The following MAF variants were observed in gnomAD, a reference collection of about 807,000 sequenced individuals.
MAF encodes transcription factor Maf.
MAF carries 10 observed loss-of-function variants against 22.0 expected under a neutral mutation model. The ratio of observed to expected loss-of-function variants is 0.45; its 90% CI spans 0.28 to 0.77. The LOEUF is 0.77. Among genes scored for constraint, MAF ranks in the 30% least tolerant of loss-of-function variants. MAF has a pLI of 0.12. For synonymous variants in MAF, 337 were observed against 255.8 expected (o/e 1.32, Z -3.03); for missense variants, 544 against 548.4 (o/e 0.99, Z 0.08).
At chr16:79,512,732 C>T in the MAF span, among the ~76,000 whole-genome samples, 111 of 152,212 alleles carry the variant, frequency 7.3e-4, no homozygotes, top group Non-Finnish European at 1.5e-3. Flanking sequence ...AACAGATGTG[C>T]GTGAGTCAGG....
the MAF span, among the ~76,000 whole-genome samples, chr16:79,298,839 T>C: frequency 4.9e-4 from 74 of 152,346 alleles, no homozygotes; most frequent in African/African-American, 1.7e-3. Flanking sequence ...TCAGAGGTTA[T>C]AGGCAGGGGA....
the MAF span, among the ~76,000 whole-genome samples, chr16:79,386,546 T>A: frequency 6.6e-6 from 1 of 151,974 alleles, no homozygotes; most frequent in Admixed American, 6.5e-5. Flanking sequence ...TCCTGCTGTG[T>A]GGCCTGGCTC....
chr16:79,304,886 G>C, the MAF span, among the ~76,000 whole-genome samples: 1 of 152,150 alleles, frequency 6.6e-6, no homozygotes, highest in Non-Finnish European at 1.5e-5. Flanking sequence ...CACATGAGTG[G>C]TGTTGCAATG....
At chr16:79,462,515 C>G in the MAF span, among the ~76,000 whole-genome samples, 1 of 152,206 alleles carries the variant, frequency 6.6e-6, no homozygotes, top group Non-Finnish European at 1.5e-5. Flanking sequence ...GATTTTCTTT[C>G]TGGACTCACC....
chr16:79,260,104 C>T, the MAF span, among the ~76,000 whole-genome samples: 1 of 152,158 alleles, frequency 6.6e-6, no homozygotes, highest in African/African-American at 2.4e-5. Context: ...TTAACACTTG[C>T]CATCAACTAA....
the MAF span, among the ~76,000 whole-genome samples, chr16:79,543,342 G>C: frequency 6.6e-6 from 1 of 152,162 alleles, no homozygotes; most frequent in Non-Finnish European, 1.5e-5. Flanking sequence ...CCATGACCCT[G>C]GTCAAGTGCC....
the MAF span, among the ~76,000 whole-genome samples, chr16:79,215,743 T>C: frequency 6.6e-6 from 1 of 152,184 alleles, no homozygotes; most frequent in African/African-American, 2.4e-5. Flanking sequence ...AAGTGCTACA[T>C]CCTGGAAATT....
At chr16:79,313,515 A>G in the MAF span, among the ~76,000 whole-genome samples, 1 of 152,198 alleles carries the variant, frequency 6.6e-6, no homozygotes, top group Non-Finnish European at 1.5e-5. Context: ...CCCAAAGAGA[A>G]CAACCCCTAT....
the MAF span, among the ~76,000 whole-genome samples, chr16:79,470,344 G>C: frequency 6.6e-6 from 1 of 152,134 alleles, no homozygotes; most frequent in Admixed American, 6.5e-5. Flanking sequence ...TCCAGGGCAG[G>C]TCATGTTACT....
chr16:79,426,858 T>A, the MAF span, among the ~76,000 whole-genome samples: 2 of 152,140 alleles, frequency 1.3e-5, no homozygotes, highest in Non-Finnish European at 2.9e-5. Flanking sequence ...ATAGGGTGTA[T>A]AATAAAATCC....
At chr16:79,397,003 G>A in the MAF span, among the ~76,000 whole-genome samples, 3 of 152,204 alleles carry the variant, frequency 2.0e-5, no homozygotes, top group Non-Finnish European at 4.4e-5. Flanking sequence ...GCACCTGCAC[G>A]AGTCATTTAT....
At chr16:79,229,624 G>C in the MAF span, among the ~76,000 whole-genome samples, 1 of 152,062 alleles carries the variant, frequency 6.6e-6, no homozygotes, top group Non-Finnish European at 1.5e-5. Flanking sequence ...GGGGCGTGAG[G>C]ACAAGGCGAA....
the MAF span, among the ~76,000 whole-genome samples, chr16:79,422,901 C>G: frequency 6.6e-6 from 1 of 152,090 alleles, no homozygotes; most frequent in Non-Finnish European, 1.5e-5. Context: ...ACAGATACTA[C>G]TCAGTTAAGC....
chr16:79,473,764 C>T, the MAF span, among the ~76,000 whole-genome samples: 3 of 152,224 alleles, frequency 2.0e-5, no homozygotes, highest in South Asian at 6.2e-4. Flanking sequence ...GCTCTGCCGA[C>T]TGAAATGGAT....
the MAF span, among the ~76,000 whole-genome samples, chr16:79,310,001 T>C: frequency 6.6e-6 from 1 of 152,168 alleles, no homozygotes; most frequent in Non-Finnish European, 1.5e-5. Flanking sequence ...AAGGGCATTA[T>C]CCATCACATG....
At chr16:79,282,752 G>A in the MAF span, among the ~76,000 whole-genome samples, 2 of 152,168 alleles carry the variant, frequency 1.3e-5, no homozygotes, top group Non-Finnish European at 2.9e-5. Flanking sequence ...AGCATTGGCA[G>A]GTGGTTTCAT....
the MAF span, among the ~76,000 whole-genome samples, chr16:79,304,825 G>A: frequency 3.2e-4 from 49 of 152,186 alleles, no homozygotes; most frequent in African/African-American, 1.2e-3. Context: ...GTTAATAAAT[G>A]TGAGTTGCGT....
the MAF span, among the ~76,000 whole-genome samples, chr16:79,339,096 G>A: frequency 2.0e-5 from 3 of 151,582 alleles, no homozygotes; most frequent in South Asian, 2.1e-4. Flanking sequence ...TTTTGAGACG[G>A]AGTCTCACTG....
chr16:79,274,498 G>A, the MAF span, among the ~76,000 whole-genome samples: 1 of 152,130 alleles, frequency 6.6e-6, no homozygotes, highest in Non-Finnish European at 1.5e-5. Context: ...CTGGTGTCCA[G>A]GGAGCACTGA....
Sources: gnomAD v4.1 joint callset for allele counts (sites outside exome capture counted in the v4.1 genomes callset) on GRCh38, gnomAD v4.1.1 for gene constraint, MANE v1.5 for transcripts, NCBI Gene and HGNC (gene_info 2026-07-23, HGNC 2026-07-21) for gene names.